The following HDAC9 variants were observed in gnomAD, a reference collection of about 807,000 sequenced individuals.
The protein encoded by HDAC9 is histone deacetylase 9, also known as MEF-2 interacting transcription repressor (MITR) protein.
A neutral mutation model predicts 139.4 loss-of-function variants in HDAC9; 41 were observed. That is an observed-to-expected ratio of 0.29 (90% confidence interval 0.23 to 0.38). HDAC9 has a LOEUF of 0.38. Ranked by LOEUF, HDAC9 falls within the 10% of genes least tolerant of loss-of-function variation. The probability of loss-of-function intolerance (pLI) is 1.00; values close to 1 mark genes in which losing one functional copy is unlikely to be tolerated. For missense variants in HDAC9, 1,147 were observed against 1,297.0 expected (o/e 0.88, Z 1.78); for synonymous variants, 517 against 476.2 (o/e 1.09, Z -1.12).
intron 16 of HDAC9, among the ~76,000 whole-genome samples, chr7:18,789,594 G>C (rs1215464871): frequency 6.6e-6 from 1 of 151,972 alleles, no homozygotes; most frequent in East Asian, 1.9e-4. Context: ...CATTTCCAGA[G>C]CCAACTTTAT....
At chr7:18,831,717 G>C (rs915182430) in intron 19 of HDAC9, among the ~76,000 whole-genome samples, 5 of 152,042 alleles carry the variant, frequency 3.3e-5, no homozygotes, top group African/African-American at 1.2e-4. Flanking sequence ...ACGTGGCCTT[G>C]AGACATCCGT....
chr7:18,278,131 CT>C (rs1290469247), intron 2 of HDAC9, among the ~76,000 whole-genome samples: 2 of 152,164 alleles, frequency 1.3e-5, no homozygotes. Flanking sequence ...TGTTCCACTT[CT>C]GGATATTTTG....
At chr7:18,376,028 A>G (rs933597182) in intron 1 of HDAC9, among the ~76,000 whole-genome samples, 3 of 152,152 alleles carry the variant, frequency 2.0e-5, no homozygotes, top group African/African-American at 7.2e-5. Context: ...CTTGAGTGTT[A>G]TCGTTTAGTT....
At chr7:18,707,119 A>G (rs1783986767) in intron 12 of HDAC9, among the ~76,000 whole-genome samples, 1 of 152,218 alleles carries the variant, frequency 6.6e-6, no homozygotes, top group Non-Finnish European at 1.5e-5. Flanking sequence ...AAGAAAAGCC[A>G]CAAAGAGAGG....
At chr7:18,872,098 C>A (rs1798965529) in intron 21 of HDAC9, among the ~76,000 whole-genome samples, 1 of 152,152 alleles carries the variant, frequency 6.6e-6, no homozygotes, top group African/African-American at 2.4e-5. Flanking sequence ...CTGTTCTCAT[C>A]ATACTTCACT....
intron 1 of HDAC9, among the ~76,000 whole-genome samples, chr7:18,383,885 A>T (rs369551996): frequency 6.8e-6 from 1 of 147,502 alleles, no homozygotes; most frequent in Non-Finnish European, 1.5e-5. Context: ...CGAGACTCTG[A>T]CTCCGTCTCA....
intron 22 of HDAC9, among the ~76,000 whole-genome samples, chr7:18,887,930 C>T (rs1419943975): frequency 6.6e-6 from 1 of 152,058 alleles, no homozygotes. Context: ...GTTCTCATGC[C>T]AACAGCTCTT....
chr7:18,715,343 A>G (rs1784625058), intron 12 of HDAC9, among the ~76,000 whole-genome samples: 1 of 151,892 alleles, frequency 6.6e-6, no homozygotes, highest in South Asian at 2.1e-4. Flanking sequence ...ATTTTTTGTT[A>G]TCCAAACATC....
intron 2 of HDAC9, among the ~76,000 whole-genome samples, chr7:18,544,488 G>A (rs2128630862): frequency 6.6e-6 from 1 of 152,306 alleles, no homozygotes; most frequent in South Asian, 2.1e-4. Flanking sequence ...GGTCAGAACA[G>A]AGATATGTAT....
chr7:18,671,131 C>T (rs1363255528), intron 12 of HDAC9, among the ~76,000 whole-genome samples: 1 of 152,072 alleles, frequency 6.6e-6, no homozygotes, highest in Non-Finnish European at 1.5e-5. Flanking sequence ...TCTAAGCCAT[C>T]AGGACGCTGC....
Position 18,885,831 on chromosome 7 carries a change from A to T in HDAC9, c.2803+11235A>T, listed in dbSNP as rs537545150. The stretch of plus-strand genomic sequence containing the variant: ...ATAATATAATAGCAGTTTACAGACC[A>T]TGTTTCCTATTTCTCATGGAGCATT... On this transcript the variant is annotated intron_variant, in intron 22 of 25. Transcript: ENST00000686413. 4.6e-5 allele frequency among the ~76,000 whole-genome samples: 7 copies of T among 152,340 alleles called. No homozygotes were observed. In the East Asian group the frequency reaches 1.4e-3, roughly 29 times the overall value.
At chr7:18,395,569 T>G (rs1786950732) in intron 1 of HDAC9, among the ~76,000 whole-genome samples, 1 of 151,374 alleles carries the variant, frequency 6.6e-6, no homozygotes, top group Admixed American at 6.6e-5. Flanking sequence ...ACCTCCCCAC[T>G]CTTATGGGAA....
At chr7:18,460,876 T>C (rs1284101863) in intron 1 of HDAC9, among the ~76,000 whole-genome samples, 1 of 150,818 alleles carries the variant, frequency 6.6e-6, no homozygotes, top group Non-Finnish European at 1.5e-5. Context: ...TCCTGTAAGG[T>C]AGATTGAGCA....
intron 1 of HDAC9, among the ~76,000 whole-genome samples, chr7:18,459,653 C>T (rs1793660046): frequency 6.6e-6 from 1 of 152,058 alleles, no homozygotes; most frequent in Admixed American, 6.6e-5. Context: ...ATTCAAATTA[C>T]AAATTAACAT....
intron 2 of HDAC9, chr7:18,496,530 CTGAA>C (rs2128140692): frequency 1.9e-6 from 1 of 529,264 alleles, no homozygotes; most frequent in Non-Finnish European, 3.4e-6. Flanking sequence ...ACAGCAGCTT[CTGAA>C]TGAAATTGCA....
intron 2 of HDAC9, among the ~76,000 whole-genome samples, chr7:18,504,845 T>C (rs1235033013): frequency 1.3e-5 from 2 of 152,200 alleles, no homozygotes; most frequent in East Asian, 3.8e-4. Flanking sequence ...AGGTAGGAAA[T>C]GGCAGGGTCG....
rs546384168 is a variant in HDAC9 at position 18,585,448 on chromosome 7, C to T, written c.190C>T (p.Leu64=). 1.2e-6 allele frequency: 2 copies of T among 1,613,874 alleles called. No homozygotes were observed. Among genetic ancestry groups the T allele is most frequent in the Non-Finnish European group, 1.7e-6 (2 of 1,179,898 alleles). ...GCAGCAACAAATCCAGAAGCAGCTTCTGATAGCAGAGTTTCAGAAACAGCA... is the reference window on the plus strand; with the variant it reads ...GCAGCAACAAATCCAGAAGCAGCTTTTGATAGCAGAGTTTCAGAAACAGCA... ...QQQQQIQKQL[L]IAEFQKQHEN... Residue 64 remains leucine, a synonymous_variant, in exon 3 of 26, where the codon CTG becomes TTG. Coordinates refer to ENST00000686413, the MANE Select transcript of HDAC9 (RefSeq NM_178425.4).
intron 11 of HDAC9, among the ~76,000 whole-genome samples, chr7:18,649,378 T>G (rs778437113): frequency 6.6e-6 from 1 of 152,152 alleles, no homozygotes; most frequent in Non-Finnish European, 1.5e-5. Flanking sequence ...CTGGACAGTT[T>G]TTCCACTACT....
chr7:18,495,223 A>C (rs1264755392), upstream of HDAC9, among the ~76,000 whole-genome samples: 2 of 152,096 alleles, frequency 1.3e-5, no homozygotes. Context: ...AACAGGCAAC[A>C]AAAATAGAAC....
Sources: allele counts gnomAD v4.1 joint callset (sites outside exome capture counted in the v4.1 genomes callset), GRCh38; gene constraint gnomAD v4.1.1; transcripts MANE v1.5; gene names NCBI Gene and HGNC (gene_info 2026-07-23, HGNC 2026-07-21).